CEP85L: variants seen among roughly 807,000 people sequenced by gnomAD.
The protein encoded by CEP85L is centrosomal protein of 85 kDa-like.
A neutral mutation model predicts 100.3 loss-of-function variants in CEP85L; 60 were observed. The ratio of observed to expected loss-of-function variants is 0.60; its 90% confidence interval spans 0.49 to 0.74. CEP85L has a LOEUF of 0.74. CEP85L is among the 30% of genes least tolerant of loss of function. The pLI, the probability that CEP85L is intolerant of heterozygous loss-of-function variation, is 0.00. For missense variants in CEP85L, 973 were observed against 936.2 expected (o/e 1.04, Z -0.51); for synonymous variants, 319 against 322.7 (o/e 0.99, Z 0.12).
rs1370536411 is a variant in CEP85L at position 118,469,204 on chromosome 6, C to T, written c.2122G>A (p.Asp708Asn). 1 of 1,614,034 alleles carries T rather than the reference C, an allele frequency of 6.2e-7. No individual in the cohort carries two copies. The highest frequency in any genetic ancestry group is 1.7e-5 in the Admixed American group (1 of 60,018). ...QTVLSKRPLF[D>N]LTVIDQLFKE... is the part of the protein sequence containing the mutation. ...AACAGCTGATCAATCACAGTCAAAT[C>T]AAATAGTGGCCGTTTGGAAAGAACT... Residue 708 changes from aspartate to asparagine, a missense_variant, in exon 12 of 13, where the codon GAT becomes AAT. Physicochemically the swap from Asp to Asn is conservative, Grantham distance 23 (BLOSUM62 1). Coordinates refer to ENST00000368491, the MANE Select transcript of CEP85L (RefSeq NM_001042475.3).
At chr6:118,564,729 T>A (rs773264958) in intron 3 of CEP85L, among the ~76,000 whole-genome samples, 1 of 152,182 alleles carries the variant, frequency 6.6e-6, no homozygotes, top group Non-Finnish European at 1.5e-5. Flanking sequence ...TAGGGAAAAT[T>A]TGCAATTTTT....
At chr6:118,542,552 C>G (rs1562244658) in intron 3 of CEP85L, among the ~76,000 whole-genome samples, 1 of 151,668 alleles carries the variant, frequency 6.6e-6, no homozygotes, top group Non-Finnish European at 1.5e-5. Context: ...TTCGATCTGC[C>G]TTCCATTTAT....
At chr6:118,601,166 A>G (rs760281145) in intron 2 of CEP85L, among the ~76,000 whole-genome samples, 124 of 152,228 alleles carry the variant, frequency 8.1e-4, no homozygotes, top group Non-Finnish European at 9.1e-4. Flanking sequence ...TGCAGAGAAC[A>G]GTGCCTACCT....
intron 5 of CEP85L, among the ~76,000 whole-genome samples, chr6:118,506,395 G>A (rs971456035): frequency 1.3e-5 from 2 of 152,148 alleles, no homozygotes; most frequent in African/African-American, 4.8e-5. Flanking sequence ...TGGAGTAGGA[G>A]GGAGCATAAC....
At chr6:118,494,946 A>G (rs1198615834) in intron 5 of CEP85L, among the ~76,000 whole-genome samples, 1 of 152,194 alleles carries the variant, frequency 6.6e-6, no homozygotes, top group Non-Finnish European at 1.5e-5. Flanking sequence ...GAACATACAG[A>G]TAACGTAAGT....
At chr6:118,600,303 GTGTGTGT>G (rs1562297821) in intron 2 of CEP85L, among the ~76,000 whole-genome samples, 826 of 33,944 alleles carry the variant, frequency 0.024, 154 homozygotes, top group Non-Finnish European at 0.028. Context: ...TCCTGGGGGT[GTGTGTGT>G]GTGTGTGTGT....
chr6:118,524,279 C>T (rs570513264), intron 3 of CEP85L, among the ~76,000 whole-genome samples: 1 of 152,042 alleles, frequency 6.6e-6, no homozygotes, highest in Non-Finnish European at 1.5e-5. Flanking sequence ...CCCATCTCTA[C>T]TAAAAATACA....
chr6:118,517,580 T>C (rs913145177), intron 4 of CEP85L, among the ~76,000 whole-genome samples: 1 of 152,242 alleles, frequency 6.6e-6, no homozygotes, highest in Non-Finnish European at 1.5e-5. Flanking sequence ...TTTTTGCACA[T>C]TGATTTTGTA....
At chr6:118,590,363 C>CA in intron 2 of CEP85L, among the ~76,000 whole-genome samples, 1 of 152,150 alleles carries the variant, frequency 6.6e-6, no homozygotes, top group East Asian at 1.9e-4. Flanking sequence ...CTTTGATATG[C>CA]AAATACCAGC....
chr6:118,643,831 C>T (rs1371707521), intron 1 of CEP85L, among the ~76,000 whole-genome samples: 1 of 152,212 alleles, frequency 6.6e-6, no homozygotes. Flanking sequence ...GGGGCGAGAA[C>T]ACTGTTAACA....
chr6:118,576,084 T>A (rs1780213351), intron 2 of CEP85L, among the ~76,000 whole-genome samples: 1 of 152,030 alleles, frequency 6.6e-6, no homozygotes, highest in Admixed American at 6.6e-5. Context: ...TCTGTCCTCA[T>A]CAGGGAAAGT....
chr6:118,643,522 T>C (rs1775003032), intron 1 of CEP85L, among the ~76,000 whole-genome samples: 1 of 152,174 alleles, frequency 6.6e-6, no homozygotes, highest in East Asian at 1.9e-4. Flanking sequence ...CGAGTATCAA[T>C]AAAGCAAATA....
chr6:118,679,603 G>A (rs1175015676), intron 1 of CEP85L, among the ~76,000 whole-genome samples: 1 of 151,994 alleles, frequency 6.6e-6, no homozygotes, highest in Non-Finnish European at 1.5e-5. Flanking sequence ...CAATGCTAGT[G>A]TAAGGGTGTC....
chr6:118,622,804 G>T (rs531566335), intron 2 of CEP85L, among the ~76,000 whole-genome samples: 9 of 152,298 alleles, frequency 5.9e-5, no homozygotes, highest in African/African-American at 2.2e-4. Flanking sequence ...ACACTGCCGG[G>T]GTCATCAAAA....
chr6:118,587,480 G>A (rs920855599), intron 2 of CEP85L, among the ~76,000 whole-genome samples: 1 of 152,202 alleles, frequency 6.6e-6, no homozygotes, highest in Non-Finnish European at 1.5e-5. Context: ...GATATACAAG[G>A]ATAGAAGCCC....
chr6:118,641,719 C>T (rs1361232920), intron 1 of CEP85L, among the ~76,000 whole-genome samples: 1 of 151,908 alleles, frequency 6.6e-6, no homozygotes, highest in Non-Finnish European at 1.5e-5. Flanking sequence ...GCAAAGAAAC[C>T]TGAAGTTGAA....
chr6:118,702,995 C>CA (rs34426942), intron 1 of CEP85L, among the ~76,000 whole-genome samples: 7,853 of 93,476 alleles, frequency 0.084, 633 homozygotes, highest in African/African-American at 0.23. Context: ...GACTCTGTCT[C>CA]AAAAAAAAAA....
intron 2 of CEP85L, among the ~76,000 whole-genome samples, chr6:118,603,770 T>C (rs1299639479): frequency 6.6e-6 from 1 of 152,224 alleles, no homozygotes; most frequent in African/African-American, 2.4e-5. Context: ...GATGTCATAA[T>C]CTCCAAAGCT....
intron 5 of CEP85L, among the ~76,000 whole-genome samples, chr6:118,494,529 T>C (rs1341483269): frequency 6.6e-6 from 1 of 152,106 alleles, no homozygotes; most frequent in African/African-American, 2.4e-5. Flanking sequence ...ATCAAGCTCC[T>C]TTGGCCTTCC....
Sources: gnomAD v4.1 joint callset for allele counts (sites outside exome capture counted in the v4.1 genomes callset) on GRCh38, gnomAD v4.1.1 for gene constraint, MANE v1.5 for transcripts, NCBI Gene and HGNC (gene_info 2026-07-23, HGNC 2026-07-21) for gene names.